The following ACAP2 variants were observed in gnomAD, a reference collection of about 807,000 sequenced individuals.
The protein encoded by ACAP2 is arf-GAP with coiled-coil, ANK repeat and PH domain-containing protein 2.
In ACAP2, 39 loss-of-function variants were observed where a neutral mutation model predicts 115.8. That is an observed-to-expected ratio of 0.34 (90% CI 0.26 to 0.44). The LOEUF is 0.44. Among genes scored for constraint, ACAP2 ranks in the 20% least tolerant of loss-of-function variants. ACAP2 has a pLI of 1.00. For missense variants in ACAP2, 662 were observed against 927.6 expected, an observed-to-expected ratio of 0.71 and a Z score of 3.72; for synonymous variants, 289 against 315.8, an observed-to-expected ratio of 0.92 and a Z score of 0.90.
intron 10 of ACAP2, 75 bp downstream of exon 10, chr3:195,320,626 G>T: frequency 9.7e-7 from 1 of 1,026,542 alleles, no homozygotes; most frequent in Non-Finnish European, 1.5e-6. Context: ...ATAAAGGAGA[G>T]AGTTGTCAAA....
chr3:195,436,099 A>G (rs925365200), intron 1 of ACAP2, among the ~76,000 whole-genome samples: 3 of 148,834 alleles, frequency 2.0e-5, no homozygotes, highest in African/African-American at 7.5e-5. Context: ...ATACACACAC[A>G]CAGATATATA....
At chr3:195,333,520 T>G (rs1211170462) in intron 7 of ACAP2, among the ~76,000 whole-genome samples, 1 of 152,204 alleles carries the variant, frequency 6.6e-6, no homozygotes, top group Non-Finnish European at 1.5e-5. Flanking sequence ...TATTTGAAAA[T>G]TAAACTGAGT....
At chr3:195,400,211 T>A (rs1712164641) in intron 1 of ACAP2, among the ~76,000 whole-genome samples, 1 of 150,818 alleles carries the variant, frequency 6.6e-6, no homozygotes, top group South Asian at 2.1e-4. Context: ...TACGTATGTG[T>A]ATATATATAT....
At chr3:195,390,196 C>CA (rs200498374) in intron 2 of ACAP2, among the ~76,000 whole-genome samples, 130 of 146,484 alleles carry the variant, frequency 8.9e-4, no homozygotes, top group Middle Eastern at 3.6e-3. Flanking sequence ...GACTCTGTCT[C>CA]AAAAAAAAAA....
At chr3:195,287,626 C>G (rs77985391) in intron 21 of ACAP2, among the ~76,000 whole-genome samples, 3,494 of 152,120 alleles carry the variant, frequency 0.023, 141 homozygotes, top group African/African-American at 0.079. Flanking sequence ...GTGAATAATT[C>G]TTTTTAAAAA....
chr3:195,294,827 A>C lies in ACAP2; in HGVS notation c.1673-16T>G. 6.6e-7 allele frequency: 1 copy of C among 1,504,460 alleles called. No homozygotes were observed. Among genetic ancestry groups the C allele is most frequent in the Non-Finnish European group, 9.2e-7 (1 of 1,086,812 alleles). The allele number at this position is 1,504,460 out of a possible 1,614,324, so 93.2% of individuals were successfully genotyped here. ...TTACTTCTGACTGTTTTAAAGAAAA[A>C]TTAACTAATGATTAAAGTTCATGCC... On this transcript the variant is annotated splice_polypyrimidine_tract_variant and intron_variant, in intron 17 of 22. Coordinates refer to ENST00000326793, the MANE Select transcript of ACAP2 (RefSeq NM_012287.6).
intron 10 of ACAP2, among the ~76,000 whole-genome samples, chr3:195,318,339 T>G (rs567965758): frequency 3.0e-4 from 45 of 152,024 alleles, no homozygotes; most frequent in Non-Finnish European, 5.6e-4. Flanking sequence ...TGGAAATGAG[T>G]AACAGGCAGA....
chr3:195,359,962 A>G (rs1011039726), intron 4 of ACAP2, among the ~76,000 whole-genome samples: 14 of 152,204 alleles, frequency 9.2e-5, no homozygotes, highest in Non-Finnish European at 1.2e-4. Flanking sequence ...AAAGGAAGAC[A>G]CTATGGAAGA....
At chr3:195,385,240 T>C (rs1049944545) in intron 2 of ACAP2, among the ~76,000 whole-genome samples, 2 of 144,174 alleles carry the variant, frequency 1.4e-5, no homozygotes, top group African/African-American at 5.0e-5. Flanking sequence ...ACCCTATCTC[T>C]GTATTCAAAA....
chr3:195,346,991 A>AT (rs1731228255), intron 4 of ACAP2, among the ~76,000 whole-genome samples: 1 of 152,128 alleles, frequency 6.6e-6, no homozygotes, highest in Admixed American at 6.5e-5. Flanking sequence ...ATGGGGCAAC[A>AT]TGAGGGCTTC....
At chr3:195,286,631 C>G (rs1726862188) in intron 21 of ACAP2, among the ~76,000 whole-genome samples, 1 of 152,174 alleles carries the variant, frequency 6.6e-6, no homozygotes, top group Non-Finnish European at 1.5e-5. Context: ...ATGAACTTTT[C>G]CTATCTTCAA....
chr3:195,321,912 G>C (rs754265156), intron 9 of ACAP2, among the ~76,000 whole-genome samples: 2 of 151,998 alleles, frequency 1.3e-5, no homozygotes, highest in African/African-American at 4.8e-5. Context: ...TGAGCCCAGG[G>C]GTGGTAGTCC....
chr3:195,311,215 A>C (rs1577279174), intron 10 of ACAP2, among the ~76,000 whole-genome samples: 1 of 150,408 alleles, frequency 6.6e-6, no homozygotes. Flanking sequence ...TGGTACCTTA[A>C]CCTCCCAAGT....
rs1320850277 is a variant in ACAP2 at position 195,279,930 on chromosome 3, C to T, written c.2237-502G>A. On this transcript the variant is annotated intron_variant, in intron 22 of 22. Transcript: ENST00000326793. Reference sequence around the variant, plus strand: ...AATAATACTATCTTTTAATTAAAAGCAATTTGAAAAAGTAATTTTTTACTC... The same window carrying T: ...AATAATACTATCTTTTAATTAAAAGTAATTTGAAAAAGTAATTTTTTACTC... The T allele has an allele frequency of 3.9e-5, 6 of 152,154 alleles. No individual in the cohort carries two copies. The East Asian group carries it at 9.6e-4, about 24-fold the overall frequency. 9.4% of individuals were successfully genotyped at this position (152,154 alleles called of 1,614,324 possible).
At chr3:195,362,367 T>C (rs113852496) in intron 4 of ACAP2, among the ~76,000 whole-genome samples, 2 of 149,628 alleles carry the variant, frequency 1.3e-5, no homozygotes, top group Admixed American at 1.3e-4. Flanking sequence ...TGAGACCAGA[T>C]GGCTTTACTT....
At chr3:195,384,914 G>C (rs1214217612) in intron 2 of ACAP2, among the ~76,000 whole-genome samples, 2 of 152,090 alleles carry the variant, frequency 1.3e-5, no homozygotes, top group African/African-American at 4.8e-5. Flanking sequence ...AAAACAAAGA[G>C]AGACAGGTTA....
chr3:195,390,608 C>A (rs975767577), intron 2 of ACAP2, among the ~76,000 whole-genome samples: 1 of 152,090 alleles, frequency 6.6e-6, no homozygotes, highest in Admixed American at 6.6e-5. Context: ...ACGGGCGTCA[C>A]CTGGAATCCG....
At chr3:195,314,261 A>T (rs986539342) in intron 10 of ACAP2, among the ~76,000 whole-genome samples, 1 of 150,954 alleles carries the variant, frequency 6.6e-6, no homozygotes, top group Non-Finnish European at 1.5e-5. Flanking sequence ...GGGAGAAAGA[A>T]GATTTTTTTT....
At chr3:195,435,591 G>A (rs1424769974) in intron 1 of ACAP2, among the ~76,000 whole-genome samples, 1 of 151,812 alleles carries the variant, frequency 6.6e-6, no homozygotes, top group East Asian at 1.9e-4. Context: ...TCTTCATTTT[G>A]CTTGTGACTT....
Sources: gnomAD v4.1 joint callset for allele counts (sites outside exome capture counted in the v4.1 genomes callset) on GRCh38, gnomAD v4.1.1 for gene constraint, MANE v1.5 for transcripts, NCBI Gene and HGNC (gene_info 2026-07-23, HGNC 2026-07-21) for gene names.